The following KIAA1217 variants were observed in gnomAD, a reference collection of about 807,000 sequenced individuals.
The protein encoded by KIAA1217 is sickle tail protein homolog.
In KIAA1217, 88 loss-of-function variants were observed where a neutral mutation model predicts 163.9. That is an observed-to-expected ratio of 0.54 (90% confidence interval 0.45 to 0.64). KIAA1217 has a LOEUF of 0.64. Among genes scored for constraint, KIAA1217 ranks in the 30% least tolerant of loss-of-function variants. KIAA1217 has a pLI of 0.00. For missense variants in KIAA1217, 2,372 were observed against 2,475.0 expected, an observed-to-expected ratio of 0.96 and a Z score of 0.88; for synonymous variants, 903 against 923.1, an observed-to-expected ratio of 0.98 and a Z score of 0.39.
intron 1 of KIAA1217, among the ~76,000 whole-genome samples, chr10:23,840,628 G>A (rs1838725013): frequency 6.6e-6 from 1 of 152,116 alleles, no homozygotes; most frequent in Non-Finnish European, 1.5e-5. Flanking sequence ...CTTCAAATAT[G>A]TAAGAAAAAA....
rs575700465 is a variant in KIAA1217, at chr10:23,850,098, TG to T, written c.-321+154865del. Among the ~76,000 whole-genome samples, 46 of 152,218 alleles carry T rather than the reference TG, an allele frequency of 3.0e-4. 1 individual carries two copies. In the East Asian group the frequency reaches 7.9e-3, roughly 26 times the overall value. On this transcript the variant is annotated intron_variant, in intron 1 of 18. Coordinates refer to the KIAA1217 transcript ENST00000376462. ...ACCAAATTCTAGCCTTTACAACGAA[TG>T]CCTGAGAGTCCATCCCATTAAAGAG...
intron 2 of KIAA1217, among the ~76,000 whole-genome samples, chr10:24,090,332 CTTTTTTTTT>C (rs35966270): frequency 6.8e-5 from 4 of 58,944 alleles, no homozygotes; most frequent in African/African-American, 4.7e-4. Flanking sequence ...ACATCCTGCT[CTTTTTTTTT>C]TTTTTTTTTT....
chr10:23,794,929 A>C (rs1439281911), intron 1 of KIAA1217, among the ~76,000 whole-genome samples: 1 of 152,160 alleles, frequency 6.6e-6, no homozygotes, highest in Non-Finnish European at 1.5e-5. Context: ...AGCTGATTAC[A>C]TTTCGCCTGA....
chr10:24,373,982 C>T (rs1024498647), intron 2 of KIAA1217, among the ~76,000 whole-genome samples: 3 of 152,174 alleles, frequency 2.0e-5, no homozygotes, highest in African/African-American at 7.2e-5. Context: ...ACTGCTGAAT[C>T]GTCTGATTTC....
chr10:24,036,202 A>G, intron 2 of KIAA1217, among the ~76,000 whole-genome samples: 1 of 152,248 alleles, frequency 6.6e-6, no homozygotes, highest in East Asian at 1.9e-4. Flanking sequence ...GCAAAGGTTC[A>G]GAAACCAGGA....
chr10:23,788,792 G>A (rs1010818568), intron 1 of KIAA1217, among the ~76,000 whole-genome samples: 1 of 152,126 alleles, frequency 6.6e-6, no homozygotes, highest in African/African-American at 2.4e-5. Context: ...AGCCAACAAG[G>A]ACATAACACA....
intron 1 of KIAA1217, among the ~76,000 whole-genome samples, chr10:24,216,746 G>C (rs550273609): frequency 1.4e-5 from 2 of 147,680 alleles, no homozygotes; most frequent in Non-Finnish European, 3.0e-5. Flanking sequence ...AGAATTGCTC[G>C]AACTCGGGAG....
In KIAA1217 at chr10:24,100,747, T is replaced by G. The variant is rs563998206; in HGVS notation, c.-171+93373T>G. 4.6e-5 allele frequency among the ~76,000 whole-genome samples: 7 copies of G among 152,378 alleles called. No individual in the cohort carries two copies. In the South Asian group the frequency reaches 1.4e-3, roughly 32 times the overall value. On this transcript the variant is annotated intron_variant, in intron 2 of 18. Coordinates refer to the KIAA1217 transcript ENST00000376462. ...CTATAGAATATATTTCTAGTATGAC[T>G]GCAGTTTTTATTATTTAGATCTTAA...
intron 1 of KIAA1217, among the ~76,000 whole-genome samples, chr10:23,833,962 T>C (rs1365161309): frequency 1.3e-5 from 2 of 152,156 alleles, no homozygotes; most frequent in Non-Finnish European, 2.9e-5. Flanking sequence ...TTTATAAACA[T>C]AGTTTATATG....
At chr10:24,018,580 TA>T (rs1219611855) in intron 2 of KIAA1217, among the ~76,000 whole-genome samples, 6 of 150,984 alleles carry the variant, frequency 4.0e-5, no homozygotes, top group African/African-American at 1.2e-4. Context: ...ATAATAATAA[TA>T]AATAAATAAA....
At chr10:24,502,240 C>CTT (rs772404852) in intron 9 of KIAA1217, among the ~76,000 whole-genome samples, 1,150 of 80,454 alleles carry the variant, frequency 0.014, 27 homozygotes, top group East Asian at 0.033. Flanking sequence ...GTCAGCCAAG[C>CTT]TTTTTTTTTT....
At chr10:24,496,794 T>C (rs2066838986) in intron 8 of KIAA1217, among the ~76,000 whole-genome samples, 1 of 152,232 alleles carries the variant, frequency 6.6e-6, no homozygotes, top group African/African-American at 2.4e-5. Flanking sequence ...ATATATAGGT[T>C]GTTTCATTTC....
intron 1 of KIAA1217, among the ~76,000 whole-genome samples, chr10:23,949,430 G>A (rs568913555): frequency 3.3e-5 from 5 of 152,174 alleles, no homozygotes; most frequent in South Asian, 2.1e-4. Context: ...AAATACACAC[G>A]ACTGTGTGAC....
chr10:24,354,255 C>T (rs11014050), intron 2 of KIAA1217, among the ~76,000 whole-genome samples: 2,975 of 152,232 alleles, frequency 0.02, 67 homozygotes, highest in East Asian at 0.095. Context: ...GCAGAGTTCC[C>T]GGACCCCCCT....
intron 2 of KIAA1217, among the ~76,000 whole-genome samples, chr10:24,304,155 G>T (rs2041718444): frequency 7.0e-6 from 1 of 142,400 alleles, no homozygotes; most frequent in African/African-American, 2.6e-5. Context: ...GCATGGAAAA[G>T]TGTTTCAGTT....
chr10:23,885,239 C>A (rs1273550947), intron 1 of KIAA1217, among the ~76,000 whole-genome samples: 1 of 151,940 alleles, frequency 6.6e-6, no homozygotes, highest in African/African-American at 2.4e-5. Context: ...TTAACACACT[C>A]ATCTCCTTAT....
intron 1 of KIAA1217, among the ~76,000 whole-genome samples, chr10:23,973,790 T>G (rs552618638): frequency 5.3e-4 from 80 of 152,130 alleles, no homozygotes; most frequent in African/African-American, 1.8e-3. Context: ...TGTCAGCAAT[T>G]TTTTTCCTAT....
chr10:23,805,428 G>A (rs1202539402), intron 1 of KIAA1217, among the ~76,000 whole-genome samples: 2 of 152,162 alleles, frequency 1.3e-5, no homozygotes, highest in South Asian at 4.1e-4. Flanking sequence ...CATGGGAATG[G>A]AAGACCAAAT....
intron 2 of KIAA1217, among the ~76,000 whole-genome samples, chr10:24,095,350 C>G (rs577362277): frequency 6.6e-6 from 1 of 152,164 alleles, no homozygotes; most frequent in African/African-American, 2.4e-5. Context: ...GAGCCGTAGA[C>G]CGGAGCTGTT....
Sources: allele counts gnomAD v4.1 joint callset (sites outside exome capture counted in the v4.1 genomes callset), GRCh38; gene constraint gnomAD v4.1.1; transcripts MANE v1.5; gene names NCBI Gene and HGNC (gene_info 2026-07-23, HGNC 2026-07-21).